Variants in CCPG1 observed in about 807,000 individuals in gnomAD.
The protein encoded by CCPG1 is cell cycle progression protein 1.
In CCPG1, 46 loss-of-function variants were observed where a neutral mutation model predicts 81.3. The observed-to-expected ratio is 0.57, with a 90% CI of 0.45 to 0.72. The LOEUF (loss-of-function observed/expected upper bound fraction) is 0.72. Among genes scored for constraint, CCPG1 ranks in the 30% least tolerant of loss-of-function variants. The pLI, the probability that CCPG1 is intolerant of heterozygous loss-of-function variation, is 0.00. For missense variants in CCPG1, 902 were observed against 937.6 expected, an observed-to-expected ratio of 0.96 and a Z score of 0.50; for synonymous variants, 330 against 305.2, an observed-to-expected ratio of 1.08 and a Z score of -0.85.
chr15:55,394,410 G>C (rs80210532), intron 1 of CCPG1, among the ~76,000 whole-genome samples: 9,899 of 152,236 alleles, frequency 0.065, 443 homozygotes, highest in South Asian at 0.1. Context: ...CAAGAAGTAG[G>C]TGAGGGCTTT....
Position 55,356,260 on chromosome 15 carries a change from T to G in CCPG1, c.2384A>C (p.Glu795Ala). 1 of 1,535,038 alleles carries G rather than the reference T, an allele frequency of 6.5e-7. No homozygotes were observed. ...AAAAGGTAATTGCCCCAATTCTATT[T>G]CAAGATTTGCCATTTGTCTTCCATT... Reference protein sequence around the residue: ...RTNGRQMANLEIELGQLPFDP... With the variant: ...RTNGRQMANLAIELGQLPFDP... The change falls in exon 9 of 9, where the codon GAA becomes GCA. Residue 795 changes from glutamate (E) to alanine (A), a missense_variant. Glu to Ala is a moderately radical substitution (Grantham distance 107, BLOSUM62 -1). Around this residue, in one of 3 missense-constraint regions of CCPG1, gnomAD observed 128 missense variants for 161.2 expected, o/e 0.79. Coordinates refer to ENST00000442196, the MANE Select transcript of CCPG1 (RefSeq NM_001204450.2).
intron 3 of CCPG1, among the ~76,000 whole-genome samples, chr15:55,381,286 A>AT (rs1042331580): frequency 4.7e-5 from 2 of 42,998 alleles, no homozygotes; most frequent in Admixed American, 4.3e-4. Context: ...AATAAAAAAT[A>AT]AAAAAAAAAT....
chr15:55,369,109 C>T (rs1367888154), intron 6 of CCPG1, among the ~76,000 whole-genome samples: 6 of 139,874 alleles, frequency 4.3e-5, no homozygotes. Context: ...AAGACTCTGT[C>T]TCAAAAAAAA....
chr15:55,365,104 T>C, intron 7 of CCPG1, 84 bp downstream of exon 7: 2 of 762,094 alleles, frequency 2.6e-6, no homozygotes, highest in Non-Finnish European at 4.3e-6. Context: ...GATTTACTAA[T>C]CTGCACTAAT....
In CCPG1 at chr15:55,365,251, C is replaced by G; in HGVS notation, c.765G>C (p.Leu255Phe). 2 of 1,526,840 alleles carry G rather than the reference C, an allele frequency of 1.3e-6. No homozygotes were observed. Among genetic ancestry groups the G allele is most frequent in the Admixed American group, 3.5e-5 (2 of 57,102 alleles). 94.6% of individuals were successfully genotyped at this position (1,526,840 alleles called of 1,614,324 possible). A position where few individuals can be genotyped will look rare whatever the true frequency, so the allele number is the denominator to read the frequency against. ...GGGAAAGATAATCCTTCATATCATT[C>G]AATTCATCTTCATGTATCTTTCTGA... ...QLVRKIHEDE[L>F]NDMKDYLSQC... The change falls in exon 7 of 9, where the codon TTG becomes TTC. Residue 255 changes from leucine (L) to phenylalanine (F), a missense_variant. Around this residue, in one of 3 missense-constraint regions of CCPG1, gnomAD observed 746 missense variants for 728.6 expected, o/e 1.02. Transcript: ENST00000442196.
At chr15:55,373,790 A>G (rs72742301) in intron 5 of CCPG1, among the ~76,000 whole-genome samples, 321 of 152,348 alleles carry the variant, frequency 2.1e-3, no homozygotes, top group Admixed American at 5.0e-3. Context: ...AACCATTTGT[A>G]AAACTTATTT....
At chr15:55,381,157 C>A in intron 3 of CCPG1, among the ~76,000 whole-genome samples, 1 of 150,084 alleles carries the variant, frequency 6.7e-6, no homozygotes, top group Non-Finnish European at 1.5e-5. Context: ...AAAATTAGGC[C>A]GGGCACAGTG....
At chr15:55,357,373 A>G (rs2056102717) in intron 8 of CCPG1, 4 of 985,380 alleles carry the variant, frequency 4.1e-6, no homozygotes, top group African/African-American at 1.7e-5. Context: ...TTAGATGTTC[A>G]TCAGCTCATG....
chr15:55,388,272 T>TTA (rs2056843881), intron 2 of CCPG1, among the ~76,000 whole-genome samples: 41 of 152,196 alleles, frequency 2.7e-4, no homozygotes, highest in Admixed American at 2.6e-3. Flanking sequence ...TAAGTATATT[T>TTA]CTGTTTATCA....
chr15:55,378,468 A>G (rs1480359727), intron 3 of CCPG1, 92 bp from the exon 4 acceptor site: 1 of 678,638 alleles, frequency 1.5e-6, no homozygotes, highest in Non-Finnish European at 2.5e-6. Flanking sequence ...GTAGATAAAA[A>G]TCTCTTCCTA....
intron 1 of CCPG1, among the ~76,000 whole-genome samples, chr15:55,394,642 T>A (rs968263663): frequency 1.3e-5 from 2 of 152,116 alleles, no homozygotes; most frequent in Non-Finnish European, 2.9e-5. Context: ...CAAGGAAAGA[T>A]AACATTGAAA....
chr15:55,388,280 T>C (rs962583027), intron 2 of CCPG1, among the ~76,000 whole-genome samples: 3 of 152,328 alleles, frequency 2.0e-5, no homozygotes, highest in East Asian at 3.9e-4. Context: ...TTTCTGTTTA[T>C]CAATATACTG....
At chr15:55,395,026 G>T (rs769838804) in intron 1 of CCPG1, among the ~76,000 whole-genome samples, 1 of 152,068 alleles carries the variant, frequency 6.6e-6, no homozygotes, top group Non-Finnish European at 1.5e-5. Context: ...ATTTGAGACT[G>T]ATCTCCCATG....
At chr15:55,388,008 G>A (rs527916953) in intron 2 of CCPG1, among the ~76,000 whole-genome samples, 27 of 151,728 alleles carry the variant, frequency 1.8e-4, no homozygotes, top group African/African-American at 6.3e-4. Flanking sequence ...AAAATTAGTC[G>A]GGCGTGGTGG....
At chr15:55,396,656 T>C (rs1449210732) in intron 1 of CCPG1, among the ~76,000 whole-genome samples, 1 of 152,080 alleles carries the variant, frequency 6.6e-6, no homozygotes, top group East Asian at 1.9e-4. Flanking sequence ...TGTAAAATAT[T>C]TGAGGAGATT....
intron 1 of CCPG1, among the ~76,000 whole-genome samples, chr15:55,391,887 A>AG (rs61200003): frequency 0.22 from 9,769 of 43,894 alleles, 1,105 homozygotes; most frequent in Non-Finnish European, 0.31. Flanking sequence ...AAAAAAAAAA[A>AG]GGGGGGGGGG....
chr15:55,408,018 C>G (rs1432258181), intron 1 of CCPG1: 1 of 152,294 alleles, frequency 6.6e-6, no homozygotes, highest in Non-Finnish European at 1.5e-5. Context: ...TCGGCTCGGG[C>G]CTCCGGAGCT....
chr15:55,383,648 T>C (rs960765337), intron 3 of CCPG1, among the ~76,000 whole-genome samples: 1 of 152,236 alleles, frequency 6.6e-6, no homozygotes, highest in African/African-American at 2.4e-5. Context: ...GATAACTTGG[T>C]GCGCCTTCTA....
chr15:55,371,848 C>T lies in CCPG1; in HGVS notation c.651G>A (p.Lys217=), dbSNP rs751256107. ...CAATCACCAAAGCAAGTATAACACA[C>T]TTATTGAGACCACTACTGAACTGAC... ...SKRQFSSGLN[K]CVILALVIAI... is the part of the protein sequence containing the mutation. Residue 217 remains lysine, a synonymous_variant, in exon 6 of 9, where the codon AAG becomes AAA. Transcript: ENST00000442196. The T allele has an allele frequency of 2.5e-5, 41 of 1,614,006 alleles. No individual in the cohort carries two copies. The highest frequency in any genetic ancestry group is 3.4e-5 in the Non-Finnish European group (40 of 1,180,012).
Sources: gnomAD v4.1 joint callset for allele counts (sites outside exome capture counted in the v4.1 genomes callset) on GRCh38, gnomAD v4.1.1 for gene constraint, gnomAD v4.1.1 regional missense constraint, MANE v1.5 for transcripts, NCBI Gene and HGNC (gene_info 2026-07-23, HGNC 2026-07-21) for gene names.